DNAH14: variants seen among roughly 807,000 people sequenced by gnomAD.
DNAH14 encodes the protein dynein axonemal heavy chain 14, also known as axonemal beta dynein heavy chain 14.
DNAH14 carries 478 observed loss-of-function variants against 520.9 expected under a neutral mutation model. That is an observed-to-expected ratio of 0.92 (90% CI 0.85 to 0.99). The LOEUF (loss-of-function observed/expected upper bound fraction) is 0.99, where lower values mean the gene tolerates loss of function less well. Among genes scored for constraint, DNAH14 ranks in the 50% least tolerant of loss-of-function variants. The pLI is 0.00. For synonymous variants in DNAH14, 1,581 were observed against 1,757.2 expected (o/e 0.90, Z 2.51); for missense variants, 4,831 against 5,234.5 (o/e 0.92, Z 2.38).
chr1:225,306,522 TCTCA>T (rs2094245613), intron 58 of DNAH14, among the ~76,000 whole-genome samples: 1 of 152,122 alleles, frequency 6.6e-6, no homozygotes, highest in Non-Finnish European at 1.5e-5. Context: ...TGAATCTTCC[TCTCA>T]CTCCTAACCT....
chr1:225,149,687 G>A (rs2080299260), intron 31 of DNAH14, among the ~76,000 whole-genome samples: 1 of 152,128 alleles, frequency 6.6e-6, no homozygotes, highest in Non-Finnish European at 1.5e-5. Context: ...AACAGTGAAT[G>A]GGATTGTGTT....
At chr1:225,273,255 C>A (rs926681212) in intron 52 of DNAH14, 130 bp downstream of exon 52, 1 of 988,114 alleles carries the variant, frequency 1.0e-6, no homozygotes, top group Non-Finnish European at 1.4e-6. Flanking sequence ...ACACGTGAAA[C>A]CCCGTGTCTA....
At chr1:225,335,811 A>G (rs1169353776) in intron 66 of DNAH14, among the ~76,000 whole-genome samples, 1 of 114,872 alleles carries the variant, frequency 8.7e-6, no homozygotes, top group Non-Finnish European at 1.8e-5. Flanking sequence ...ATATGTACAT[A>G]TATGTACATA....
intron 60 of DNAH14, among the ~76,000 whole-genome samples, chr1:225,314,945 G>T (rs551627481): frequency 6.6e-6 from 1 of 152,126 alleles, no homozygotes; most frequent in African/African-American, 2.4e-5. Context: ...GAGTATCTTT[G>T]TAGTGTTCTC....
rs577303214 is a variant in DNAH14, at chr1:225,086,041, A to C, written c.3573+252A>C. ...TTAGATCATAGAAAAATATGACCTT[A>C]TAACCATGGCTTATCACCAGTGTAC... On this transcript the variant is annotated intron_variant, in intron 21 of 85. Coordinates refer to ENST00000682510, the MANE Select transcript of DNAH14 (RefSeq NM_001367479.1). Among the ~76,000 whole-genome samples, 6 of 152,042 alleles carry C rather than the reference A, an allele frequency of 3.9e-5. No individual in the cohort carries two copies. The East Asian group carries it at 1.2e-3, about 29-fold the overall frequency.
intron 59 of DNAH14, 30 bp downstream of exon 59, chr1:225,307,599 A>G: frequency 6.7e-7 from 1 of 1,484,394 alleles, no homozygotes; most frequent in Non-Finnish European, 9.1e-7. Context: ...TCTTTTAAAG[A>G]TTTTATAGTC....
rs558431784 is a variant in DNAH14, at chr1:225,321,837, ACT to A, written c.9336-824_9336-823del. Reference sequence around the variant, plus strand: ...ATTCCCATCCACCCTTCCTCCCCTGACTCTGTTTTATCTGTGATTTTTATGGT... The same window carrying A: ...ATTCCCATCCACCCTTCCTCCCCTGACTGTTTTATCTGTGATTTTTATGGT... On this transcript the variant is annotated intron_variant, in intron 61 of 85. Transcript: ENST00000682510. Among the ~76,000 whole-genome samples, 8 of 152,108 alleles carry A rather than the reference ACT, an allele frequency of 5.3e-5. No individual in the cohort carries two copies. In the South Asian group the frequency reaches 8.3e-4, roughly 16 times the overall value.
At chr1:225,002,704 A>G in intron 8 of DNAH14, 79 bp from the exon 9 acceptor site, 1 of 1,342,502 alleles carries the variant, frequency 7.4e-7, no homozygotes, top group Non-Finnish European at 1.0e-6. Context: ...GATATTAACT[A>G]AACCACACTA....
chr1:225,031,506 GT>G (rs11305613), intron 11 of DNAH14, among the ~76,000 whole-genome samples: 137,434 of 151,988 alleles, frequency 0.9, 63,686 homozygotes, highest in East Asian at 1. Flanking sequence ...TACAGAAAAG[GT>G]TTTGCTGACC....
chr1:225,162,545 T>G (rs2081619216), intron 35 of DNAH14, among the ~76,000 whole-genome samples: 1 of 152,192 alleles, frequency 6.6e-6, no homozygotes, highest in Non-Finnish European at 1.5e-5. Context: ...ATGTAAATTT[T>G]AGAATTGTTT....
At chr1:225,084,329 A>G (rs1264861791) in intron 20 of DNAH14, among the ~76,000 whole-genome samples, 2 of 152,160 alleles carry the variant, frequency 1.3e-5, no homozygotes, top group Non-Finnish European at 2.9e-5. Context: ...AATGTATCCA[A>G]TATAATGTAG....
chr1:225,171,668 C>A (rs2082683440), intron 36 of DNAH14, among the ~76,000 whole-genome samples: 1 of 152,198 alleles, frequency 6.6e-6, no homozygotes, highest in African/African-American at 2.4e-5. Context: ...CAGACAGATT[C>A]ACAGCCGACT....
chr1:225,124,621 T>C (rs2077551717), intron 27 of DNAH14, among the ~76,000 whole-genome samples: 1 of 152,230 alleles, frequency 6.6e-6, no homozygotes, highest in African/African-American at 2.4e-5. Flanking sequence ...ATTCTAGTTC[T>C]CTTGCTATTT....
At chr1:225,142,111 G>A (rs2079513242) in intron 28 of DNAH14, among the ~76,000 whole-genome samples, 1 of 152,028 alleles carries the variant, frequency 6.6e-6, no homozygotes, top group African/African-American at 2.4e-5. Flanking sequence ...TTGCCAAAGA[G>A]GATATATTGT....
At chr1:225,392,687 A>G (rs896334426) in intron 84 of DNAH14, among the ~76,000 whole-genome samples, 1 of 152,234 alleles carries the variant, frequency 6.6e-6, no homozygotes, top group African/African-American at 2.4e-5. Context: ...AGTCAATGTA[A>G]TCAACAGACT....
intron 60 of DNAH14, among the ~76,000 whole-genome samples, chr1:225,309,931 G>A (rs911125752): frequency 6.6e-6 from 1 of 151,714 alleles, no homozygotes; most frequent in Non-Finnish European, 1.5e-5. Flanking sequence ...ATGCTAAATG[G>A]CGAGTTAATG....
At chr1:225,295,026 G>C (rs909400924) in intron 55 of DNAH14, among the ~76,000 whole-genome samples, 6 of 151,916 alleles carry the variant, frequency 3.9e-5, no homozygotes, top group Non-Finnish European at 5.9e-5. Flanking sequence ...ATTCCCTCTA[G>C]GTTTTTGAAT....
intron 23 of DNAH14, among the ~76,000 whole-genome samples, chr1:225,115,645 A>G (rs755611370): frequency 2.6e-5 from 4 of 152,186 alleles, no homozygotes; most frequent in Non-Finnish European, 4.4e-5. Context: ...TGGAGCAAGC[A>G]TAAGGGGCTG....
At position 225,051,356 on chromosome 1, in the gene DNAH14, A is replaced by ATTATT. The variant is rs571126088; in HGVS notation, c.2080-87_2080-83dup. ...CTTAAAATAAACTCCACATAGCACT[A>ATTATT]TTATTTTATTTTGTCAGAAACTATT... On this transcript the variant is annotated intron_variant, in intron 16 of 85. Transcript: ENST00000682510. The ATTATT allele has an allele frequency of 1.1e-3, 977 of 897,486 alleles. 25 individuals are homozygous for ATTATT. The East Asian group carries it at 0.027, about 25-fold the overall frequency. 55.6% of individuals were successfully genotyped at this position (897,486 alleles called of 1,614,324 possible).
Sources: allele counts gnomAD v4.1 joint callset (sites outside exome capture counted in the v4.1 genomes callset), GRCh38; gene constraint gnomAD v4.1.1; transcripts MANE v1.5; gene names NCBI Gene and HGNC (gene_info 2026-07-23, HGNC 2026-07-21).